ITGA8: variants seen among roughly 807,000 people sequenced by gnomAD.
ITGA8 encodes the protein integrin alpha-8.
In ITGA8, 91 loss-of-function variants were observed where a neutral mutation model predicts 142.3. The ratio of observed to expected loss-of-function variants is 0.64; its 90% CI spans 0.54 to 0.76. The LOEUF is 0.76. Among genes scored for constraint, ITGA8 ranks in the 30% least tolerant of loss-of-function variants. The pLI is 0.00. For synonymous variants in ITGA8, 505 were observed against 485.2 expected, an observed-to-expected ratio of 1.04 and a Z score of -0.54; for missense variants, 1,406 against 1,327.7, an observed-to-expected ratio of 1.06 and a Z score of -0.92.
chr10:15,552,566 G>A (rs370303541), intron 26 of ITGA8, among the ~76,000 whole-genome samples: 11 of 152,060 alleles, frequency 7.2e-5, no homozygotes, highest in Admixed American at 7.2e-4. Context: ...TTAAATTCTG[G>A]GATACATGTA....
At chr10:15,679,654 C>T (rs1448524011) in intron 4 of ITGA8, among the ~76,000 whole-genome samples, 2 of 152,158 alleles carry the variant, frequency 1.3e-5, no homozygotes, top group African/African-American at 4.8e-5. Context: ...CATTTCTGGT[C>T]ACAGTCTCAC....
chr10:15,671,874 C>G (rs1477930734), intron 7 of ITGA8, among the ~76,000 whole-genome samples: 2 of 49,660 alleles, frequency 4.0e-5, no homozygotes, highest in Non-Finnish European at 7.3e-5. Flanking sequence ...TAAGTAGGAG[C>G]AAAGCAAAAA....
chr10:15,585,862 C>G (rs762695619), intron 23 of ITGA8, among the ~76,000 whole-genome samples: 9 of 152,162 alleles, frequency 5.9e-5, no homozygotes, highest in Non-Finnish European at 1.0e-4. Flanking sequence ...ACCCTTGCAT[C>G]TGAGAGTTAG....
rs1564424278 is a variant in ITGA8 at position 15,719,835 on chromosome 10, G to GC, written c.-65_-64insG. 5 of 1,154,140 alleles carry GC rather than the reference G, an allele frequency of 4.3e-6. No individual in the cohort carries two copies. Among genetic ancestry groups the GC allele is most frequent in the African/African-American group, 1.9e-5 (1 of 53,942 alleles). 71.5% of individuals were successfully genotyped at this position (1,154,140 alleles called of 1,614,324 possible). On this transcript the variant is annotated 5_prime_UTR_variant, in exon 1 of 30. Transcript: ENST00000378076. ...CGAGCCGAGGACCCCTGCGGGGCAA[G>GC]GGGGGCTGGTGGAATCTGGCGGTCC...
chr10:15,562,242 A>C (rs78195995), intron 25 of ITGA8, among the ~76,000 whole-genome samples: 1,744 of 152,256 alleles, frequency 0.011, 37 homozygotes, highest in African/African-American at 0.04. Context: ...GGACAGAGAG[A>C]GTGGTGAAGG....
intron 28 of ITGA8, among the ~76,000 whole-genome samples, chr10:15,522,114 C>G (rs375100670): frequency 6.6e-6 from 1 of 152,158 alleles, no homozygotes; most frequent in African/African-American, 2.4e-5. Context: ...CAACACAAAG[C>G]AACGATAAAT....
At position 15,516,818 on chromosome 10, in the gene ITGA8, C is replaced by T. The variant is rs1392958076; in HGVS notation, c.*340G>A. On this transcript the variant is annotated 3_prime_UTR_variant, in exon 30 of 30. Coordinates refer to ENST00000378076, the MANE Select transcript of ITGA8 (RefSeq NM_003638.3). ...AAATTCTATAGTGATTCAGACATTT[C>T]ATCTCTGCAACTTATGCTGGATTGA... 3 of 180,506 alleles carry T rather than the reference C, an allele frequency of 1.7e-5. No individual in the cohort carries two copies. Among genetic ancestry groups the T allele is most frequent in the Admixed American group, 6.0e-5 (1 of 16,700 alleles). The allele number at this position is 180,506 out of a possible 1,614,324, so 11.2% of individuals were successfully genotyped here. A position where few individuals can be genotyped will look rare whatever the true frequency, so the allele number is the denominator to read the frequency against.
chr10:15,673,824 C>T (rs772794111), intron 6 of ITGA8, among the ~76,000 whole-genome samples: 1 of 148,838 alleles, frequency 6.7e-6, no homozygotes, highest in Non-Finnish European at 1.5e-5. Context: ...TTTGGTTAAT[C>T]TCTCTCAAAA....
intron 25 of ITGA8, 50 bp from the exon 26 acceptor site, chr10:15,558,252 C>T (rs745543817): frequency 5.0e-6 from 8 of 1,603,834 alleles, no homozygotes; most frequent in Non-Finnish European, 6.8e-6. Flanking sequence ...TGAACAGTTG[C>T]TACATTTTCT....
chr10:15,659,280 G>A (rs541131377), intron 9 of ITGA8, among the ~76,000 whole-genome samples: 6 of 152,092 alleles, frequency 3.9e-5, no homozygotes, highest in African/African-American at 9.6e-5. Context: ...AAAAACGCAT[G>A]CTTATTAATC....
chr10:15,605,730 G>A lies in ITGA8; in HGVS notation c.1964C>T (p.Ala655Val). ...TTTAGTTATTTAAACTTACGGTCTA[G>A]CCGACAGCTTCAAGTCAGGAACACA... is the stretch of plus-strand genomic sequence containing the variant. ...NLCVPDLKLS[A>V]RPDKHQVIIG... The change falls in exon 19 of 30, where the codon GCT becomes GTT. Residue 655 changes from alanine to valine, a missense_variant. Physicochemically the swap from Ala to Val is moderately conservative, Grantham distance 64. Coordinates refer to ENST00000378076, the MANE Select transcript of ITGA8 (RefSeq NM_003638.3). The A allele has an allele frequency of 6.2e-7, 1 of 1,612,346 alleles. No individual in the cohort carries two copies. Among genetic ancestry groups the A allele is most frequent in the Non-Finnish European group, 8.5e-7 (1 of 1,178,480 alleles).
chr10:15,612,844 AACCCAGTAAATTG>A (rs1421949956), intron 15 of ITGA8, among the ~76,000 whole-genome samples: 1 of 152,246 alleles, frequency 6.6e-6, no homozygotes, highest in East Asian at 1.9e-4. Context: ...CCAGTAAATT[AACCCAGTAAATTG>A]ACTAGTTAGA....
rs1360216560 is a variant in ITGA8 at position 15,589,049 on chromosome 10, C to T, written c.2292-2385G>A. ...GAAAGGAAAGCTCCCTCACTAATAC[C>T]GCTGCTACATCCAAACAAGCCATCC... On this transcript the variant is annotated intron_variant, in intron 22 of 29. Coordinates refer to ENST00000378076, the MANE Select transcript of ITGA8 (RefSeq NM_003638.3). Among the ~76,000 whole-genome samples the T allele has an allele frequency of 3.3e-5, 5 of 152,296 alleles. No individual in the cohort carries two copies. The East Asian group carries it at 9.6e-4, about 29-fold the overall frequency.
Position 15,517,066 on chromosome 10 carries a change from A to G in ITGA8, c.*92T>C, listed in dbSNP as rs1166622462. On this transcript the variant is annotated 3_prime_UTR_variant, in exon 30 of 30. Transcript: ENST00000378076. ...TCCATTTCCTGGGTCACTGTCAGGT[A>G]TCAGAAAGCTTTGATTTTTAACCCT... 11 of 820,838 alleles carry G rather than the reference A, an allele frequency of 1.3e-5. No individual in the cohort carries two copies. Among genetic ancestry groups the G allele is most frequent in the Non-Finnish European group, 2.0e-5 (11 of 539,066 alleles). 50.8% of individuals were successfully genotyped at this position (820,838 alleles called of 1,614,324 possible). A position where few individuals can be genotyped will look rare whatever the true frequency, so the allele number is the denominator to read the frequency against.
At chr10:15,699,313 T>C (rs1388719154) in intron 2 of ITGA8, among the ~76,000 whole-genome samples, 1 of 152,112 alleles carries the variant, frequency 6.6e-6, no homozygotes, top group Non-Finnish European at 1.5e-5. Flanking sequence ...AACAAAAACA[T>C]GGCATTATAT....
At chr10:15,705,497 C>A (rs958474844) in intron 2 of ITGA8, among the ~76,000 whole-genome samples, 1 of 152,202 alleles carries the variant, frequency 6.6e-6, no homozygotes, top group South Asian at 2.1e-4. Flanking sequence ...GTAGAGGAAT[C>A]CCCTGCATTT....
intron 27 of ITGA8, among the ~76,000 whole-genome samples, chr10:15,541,023 G>A (rs932962374): frequency 6.6e-6 from 1 of 152,158 alleles, no homozygotes; most frequent in Non-Finnish European, 1.5e-5. Context: ...CCTTCAATTT[G>A]CATTCACCCA....
intron 2 of ITGA8, among the ~76,000 whole-genome samples, chr10:15,694,257 T>TATCATACATCAGATAATATATC (rs201724643): frequency 1.0e-5 from 1 of 95,374 alleles, no homozygotes; most frequent in African/African-American, 3.5e-5. Context: ...TATGATAACA[T>TATCATACATCAGATAATATATC]ATACATCAGA....
chr10:15,692,186 G>T (rs191722755), intron 2 of ITGA8, among the ~76,000 whole-genome samples: 1 of 151,848 alleles, frequency 6.6e-6, no homozygotes, highest in African/African-American at 2.4e-5. Context: ...TCCCACCTTG[G>T]CCTCCCAAAG....
Sources: allele counts gnomAD v4.1 joint callset (sites outside exome capture counted in the v4.1 genomes callset), GRCh38; gene constraint gnomAD v4.1.1; transcripts MANE v1.5; gene names NCBI Gene and HGNC (gene_info 2026-07-23, HGNC 2026-07-21).